Variants in ENPP6 observed in about 807,000 individuals in gnomAD.
ENPP6 encodes the protein ectonucleotide pyrophosphatase/phosphodiesterase 6.
Under a neutral mutation model 42.0 loss-of-function variants are expected in ENPP6, and 32 were observed. That is an observed-to-expected ratio of 0.76 (90% CI 0.58 to 1.02). The LOEUF (loss-of-function observed/expected upper bound fraction) is 1.02, where lower values mean the gene tolerates loss of function less well. ENPP6 is among the 50% of genes least tolerant of loss of function. The pLI is 0.00. For missense variants in ENPP6, 552 were observed against 566.8 expected (o/e 0.97, Z 0.27); for synonymous variants, 213 against 216.0 (o/e 0.99, Z 0.12).
chr4:184,163,137 T>A (rs1159570695), intron 1 of ENPP6, among the ~76,000 whole-genome samples: 1 of 152,170 alleles, frequency 6.6e-6, no homozygotes. Context: ...ATCATGTCGA[T>A]CACTTGGGCA....
chr4:184,123,161 A>G (rs1736446334), intron 3 of ENPP6, among the ~76,000 whole-genome samples: 1 of 152,168 alleles, frequency 6.6e-6, no homozygotes, highest in South Asian at 2.1e-4. Context: ...CTGCTTTCAC[A>G]GCTCTGTGGG....
At chr4:184,098,473 A>T (rs1374199551) in intron 6 of ENPP6, among the ~76,000 whole-genome samples, 1 of 152,068 alleles carries the variant, frequency 6.6e-6, no homozygotes, top group Non-Finnish European at 1.5e-5. Flanking sequence ...CATGCAGCCC[A>T]CCCTGCCTTT....
At chr4:184,209,170 G>T (rs1206489662) in intron 1 of ENPP6, among the ~76,000 whole-genome samples, 2 of 151,708 alleles carry the variant, frequency 1.3e-5, no homozygotes, top group Middle Eastern at 3.4e-3. Context: ...ACTCTAAAAA[G>T]CAGAGCGCCT....
chr4:184,106,298 G>T (rs576813811), intron 6 of ENPP6, among the ~76,000 whole-genome samples: 47 of 152,218 alleles, frequency 3.1e-4, no homozygotes, highest in African/African-American at 1.0e-3. Context: ...GCCTCCCAAA[G>T]TGCTGATATT....
chr4:184,209,498 G>A (rs1181749454), intron 1 of ENPP6, among the ~76,000 whole-genome samples: 1 of 151,902 alleles, frequency 6.6e-6, no homozygotes, highest in African/African-American at 2.4e-5. Flanking sequence ...AATGGAAGAT[G>A]AAATTAATGA....
chr4:184,137,634 G>A (rs1736751611), intron 2 of ENPP6, among the ~76,000 whole-genome samples: 1 of 152,202 alleles, frequency 6.6e-6, no homozygotes, highest in Admixed American at 6.5e-5. Context: ...GGATTAAGAT[G>A]ATTTGAAGCT....
intron 5 of ENPP6, among the ~76,000 whole-genome samples, chr4:184,115,604 C>T (rs1024393880): frequency 1.3e-5 from 2 of 152,144 alleles, no homozygotes; most frequent in African/African-American, 4.8e-5. Flanking sequence ...TTGCAGTGGG[C>T]TCAGCGTGCT....
chr4:184,152,508 C>T (rs1208725606), intron 2 of ENPP6, among the ~76,000 whole-genome samples: 3 of 152,290 alleles, frequency 2.0e-5, no homozygotes, highest in African/African-American at 7.2e-5. Context: ...TTCATTTATG[C>T]CTTCAACGTT....
intron 1 of ENPP6, among the ~76,000 whole-genome samples, chr4:184,206,923 C>T (rs1047869557): frequency 6.6e-6 from 1 of 152,212 alleles, no homozygotes; most frequent in Non-Finnish European, 1.5e-5. Context: ...AGGTCACTCG[C>T]ACAACCTTCT....
intron 2 of ENPP6, among the ~76,000 whole-genome samples, chr4:184,126,670 C>T (rs1373376549): frequency 6.6e-6 from 1 of 152,182 alleles, no homozygotes; most frequent in Admixed American, 6.5e-5. Flanking sequence ...TCCTCAGTGA[C>T]CCAAGAAGTT....
At chr4:184,174,868 C>A (rs1737535917) in intron 1 of ENPP6, among the ~76,000 whole-genome samples, 2 of 152,228 alleles carry the variant, frequency 1.3e-5, no homozygotes, top group South Asian at 4.1e-4. Flanking sequence ...GTTTCTTTAT[C>A]TTAAAATGTG....
chr4:184,158,300 T>C (rs6552754), intron 1 of ENPP6, among the ~76,000 whole-genome samples: 148,841 of 152,322 alleles, frequency 0.98, 72,810 homozygotes, highest in East Asian at 1. Context: ...GAGTAATGGG[T>C]ATCGTAACAA....
chr4:184,206,075 G>T (rs1414542310), intron 1 of ENPP6, among the ~76,000 whole-genome samples: 2 of 151,950 alleles, frequency 1.3e-5, no homozygotes, highest in African/African-American at 2.4e-5. Context: ...GCCGAACAGA[G>T]ATCATTTATT....
chr4:184,163,689 T>C (rs1737303310), intron 1 of ENPP6, among the ~76,000 whole-genome samples: 1 of 152,258 alleles, frequency 6.6e-6, no homozygotes, highest in South Asian at 2.1e-4. Flanking sequence ...AATTCCGGTG[T>C]ATAACCACCT....
chr4:184,206,983 C>T (rs543028201), intron 1 of ENPP6, among the ~76,000 whole-genome samples: 1 of 152,324 alleles, frequency 6.6e-6, no homozygotes, highest in Middle Eastern at 3.4e-3. Context: ...TGTGTGAGAA[C>T]GGGACCTCTG....
chr4:184,161,775 T>C (rs1473375610), intron 1 of ENPP6, among the ~76,000 whole-genome samples: 1 of 151,752 alleles, frequency 6.6e-6, no homozygotes, highest in South Asian at 2.1e-4. Context: ...GTGAAGTAAC[T>C]CAGAAATGGA....
chr4:184,197,396 G>A (rs1232478254), intron 1 of ENPP6, among the ~76,000 whole-genome samples: 1 of 152,240 alleles, frequency 6.6e-6, no homozygotes, highest in African/African-American at 2.4e-5. Context: ...CATTGAAAGA[G>A]TAGAGTACTC....
chr4:184,198,515 T>C (rs1561008819), intron 1 of ENPP6, among the ~76,000 whole-genome samples: 1 of 152,130 alleles, frequency 6.6e-6, no homozygotes, highest in Non-Finnish European at 1.5e-5. Context: ...GAGAGAAGGA[T>C]AGTGACAAAA....
At chr4:184,126,947 A>T (rs1366576701) in intron 2 of ENPP6, among the ~76,000 whole-genome samples, 2 of 152,226 alleles carry the variant, frequency 1.3e-5, no homozygotes, top group African/African-American at 4.8e-5. Context: ...CCAACATACA[A>T]TAAAAAATCA....
Sources: gnomAD v4.1 joint callset for allele counts (sites outside exome capture counted in the v4.1 genomes callset) on GRCh38, gnomAD v4.1.1 for gene constraint, MANE v1.5 for transcripts, NCBI Gene and HGNC (gene_info 2026-07-23, HGNC 2026-07-21) for gene names.